The following MAN2A1 variants were observed in gnomAD, a reference collection of about 807,000 sequenced individuals.
The protein encoded by MAN2A1 is mannosidase alpha class 2A member 1, also known as alpha-mannosidase 2.
In MAN2A1, 76 loss-of-function variants were observed where a neutral mutation model predicts 142.6. The observed-to-expected ratio is 0.53, with a 90% CI of 0.44 to 0.65. MAN2A1 has a LOEUF of 0.65. MAN2A1 is among the 30% of genes least tolerant of loss of function. The pLI is 0.00. For missense variants in MAN2A1, 1,311 were observed against 1,365.1 expected (o/e 0.96, Z 0.62); for synonymous variants, 559 against 473.2 (o/e 1.18, Z -2.35).
chr5:109,763,656 A>T (rs188007577), intron 5 of MAN2A1, among the ~76,000 whole-genome samples: 1 of 152,196 alleles, frequency 6.6e-6, no homozygotes, highest in Non-Finnish European at 1.5e-5. Flanking sequence ...CATCATTCTC[A>T]CTAAACTTGG....
intron 4 of MAN2A1, among the ~76,000 whole-genome samples, chr5:109,743,901 C>T (rs922107782): frequency 3.3e-5 from 5 of 152,218 alleles, no homozygotes; most frequent in African/African-American, 9.6e-5. Context: ...TGATTCCTCC[C>T]GACTTGCTCA....
intron 9 of MAN2A1, among the ~76,000 whole-genome samples, chr5:109,781,978 A>T (rs187722356): frequency 6.6e-6 from 1 of 152,178 alleles, no homozygotes. Context: ...AACATAGGTG[A>T]GCATCAAAGA....
chr5:109,860,418 G>C (rs1755725959), intron 20 of MAN2A1, among the ~76,000 whole-genome samples: 1 of 152,188 alleles, frequency 6.6e-6, no homozygotes, highest in Non-Finnish European at 1.5e-5. Context: ...CTAGGGATGA[G>C]TGTTAGGTAT....
intron 1 of MAN2A1, among the ~76,000 whole-genome samples, chr5:109,701,336 G>A (rs62377024): frequency 0.054 from 8,183 of 152,238 alleles, 221 homozygotes; most frequent in Non-Finnish European, 0.064. Flanking sequence ...GCTTATGAAG[G>A]CTTTGAATCC....
chr5:109,755,530 CT>C, intron 5 of MAN2A1, 74 bp downstream of exon 5: 2 of 1,164,344 alleles, frequency 1.7e-6, no homozygotes. Context: ...AGGCTCTGTT[CT>C]TTTTTCGAGT....
intron 3 of MAN2A1, 99 bp downstream of exon 3, chr5:109,716,363 A>G: frequency 2.2e-6 from 2 of 915,912 alleles, no homozygotes; most frequent in Non-Finnish European, 3.3e-6. Flanking sequence ...CAAATTTTTG[A>G]GACATTATTC....
intron 16 of MAN2A1, among the ~76,000 whole-genome samples, chr5:109,841,581 A>G (rs1354117680): frequency 2.0e-5 from 3 of 152,198 alleles, no homozygotes; most frequent in Non-Finnish European, 4.4e-5. Flanking sequence ...CTGAAGATAC[A>G]ATTAAAGTAG....
intron 20 of MAN2A1, among the ~76,000 whole-genome samples, chr5:109,856,029 G>GA (rs1298462331): frequency 6.6e-6 from 1 of 152,152 alleles, no homozygotes; most frequent in African/African-American, 2.4e-5. Flanking sequence ...ATGAAAAGAA[G>GA]AGGATGCTCA....
chr5:109,837,725 A>G (rs1755094266), intron 16 of MAN2A1, among the ~76,000 whole-genome samples: 1 of 152,180 alleles, frequency 6.6e-6, no homozygotes, highest in Admixed American at 6.5e-5. Context: ...CGTTTATTGT[A>G]CATGTCTACG....
intron 20 of MAN2A1, chr5:109,862,575 T>C (rs1249499615): frequency 1.3e-5 from 2 of 152,232 alleles, no homozygotes; most frequent in Non-Finnish European, 2.9e-5. Context: ...TTAATGAATG[T>C]AAAAGCAGTT....
At chr5:109,815,936 A>T (rs1355763902) in intron 12 of MAN2A1, among the ~76,000 whole-genome samples, 1 of 152,222 alleles carries the variant, frequency 6.6e-6, no homozygotes, top group Non-Finnish European at 1.5e-5. Context: ...TCAGTGAGTT[A>T]TATTATTAGT....
chr5:109,847,718 A>G lies in MAN2A1; in HGVS notation c.2904A>G (p.Gln968=), dbSNP rs1350332911. The change falls in exon 19 of 22, where the codon CAA becomes CAG. Residue 968 remains glutamine (Q), a synonymous_variant. Coordinates refer to ENST00000261483, the MANE Select transcript of MAN2A1 (RefSeq NM_002372.4). ...LMQDDNRGLE[Q]GIQDNKITAN... is the part of the protein sequence containing the mutation. The stretch of plus-strand genomic sequence containing the variant: ...AAGATGATAATCGTGGCCTTGAGCA[A>G]GGTATCCAGGATAACAAGATTACAG... 2 of 1,604,044 alleles carry G rather than the reference A, an allele frequency of 1.2e-6. No individual in the cohort carries two copies. Among genetic ancestry groups the G allele is most frequent in the Non-Finnish European group, 8.5e-7 (1 of 1,175,434 alleles).
intron 3 of MAN2A1, among the ~76,000 whole-genome samples, chr5:109,725,738 C>G (rs1356277316): frequency 6.6e-6 from 1 of 152,078 alleles, no homozygotes; most frequent in Non-Finnish European, 1.5e-5. Context: ...ACTAAATGTT[C>G]CTGAAGAGCA....
At chr5:109,819,418 A>G (rs1007411191) in intron 13 of MAN2A1, among the ~76,000 whole-genome samples, 7 of 152,222 alleles carry the variant, frequency 4.6e-5, no homozygotes, top group Non-Finnish European at 8.8e-5. Context: ...ATCTGATACA[A>G]TGTAAATGCT....
intron 15 of MAN2A1, among the ~76,000 whole-genome samples, chr5:109,822,878 C>T (rs1157234877): frequency 2.0e-5 from 3 of 152,010 alleles, no homozygotes; most frequent in South Asian, 2.1e-4. Context: ...GGGGTTTCAC[C>T]ATGTTAGCCA....
intron 1 of MAN2A1, among the ~76,000 whole-genome samples, chr5:109,705,344 C>T (rs1316283470): frequency 3.3e-5 from 5 of 152,076 alleles, no homozygotes; most frequent in Non-Finnish European, 7.4e-5. Flanking sequence ...GCTGCTTTTT[C>T]TGAAAATTAC....
intron 12 of MAN2A1, among the ~76,000 whole-genome samples, chr5:109,802,104 T>A (rs150785135): frequency 9.8e-5 from 15 of 152,298 alleles, no homozygotes; most frequent in Middle Eastern, 3.4e-3. Context: ...TTCTTGCCTC[T>A]TTCATTTCTT....
intron 3 of MAN2A1, among the ~76,000 whole-genome samples, chr5:109,720,259 T>C (rs1405658714): frequency 6.6e-6 from 1 of 152,202 alleles, no homozygotes; most frequent in Non-Finnish European, 1.5e-5. Flanking sequence ...GTGGTATGAC[T>C]CTAAAATAGT....
chr5:109,690,153 G>T lies in MAN2A1; in HGVS notation c.-265G>T. 2.3e-6 allele frequency: 1 copy of T among 430,964 alleles called. No homozygotes were observed. The highest frequency in any genetic ancestry group is 4.3e-5 in the East Asian group (1 of 23,508). The allele number at this position is 430,964 out of a possible 1,614,324, so 26.7% of individuals were successfully genotyped here. ...TGAGCTTGCGATCAAGTTTGTGGGGGCCCCCCTTCCCAGTTGCCGGCGAGT... is the reference window on the plus strand; with the variant it reads ...TGAGCTTGCGATCAAGTTTGTGGGGTCCCCCCTTCCCAGTTGCCGGCGAGT... On this transcript the variant is annotated 5_prime_UTR_variant, in exon 1 of 22. Coordinates refer to ENST00000261483, the MANE Select transcript of MAN2A1 (RefSeq NM_002372.4).
Sources: allele counts gnomAD v4.1 joint callset (sites outside exome capture counted in the v4.1 genomes callset), GRCh38; gene constraint gnomAD v4.1.1; transcripts MANE v1.5; gene names NCBI Gene and HGNC (gene_info 2026-07-23, HGNC 2026-07-21).